SAMD5: variants seen among roughly 807,000 people sequenced by gnomAD.
SAMD5 encodes sterile alpha motif domain-containing protein 5.
Under a neutral mutation model 11.3 loss-of-function variants are expected in SAMD5, and 13 were observed. That is an observed-to-expected ratio of 1.15 (90% confidence interval 0.75 to 1.83). The LOEUF is 1.83. Ranked by LOEUF, SAMD5 falls within the 40% of genes most tolerant of loss-of-function variation. SAMD5 has a pLI of 0.00. For synonymous variants in SAMD5, 129 were observed against 111.3 expected, an observed-to-expected ratio of 1.16 and a Z score of -1.00; for missense variants, 255 against 239.1, an observed-to-expected ratio of 1.07 and a Z score of -0.44.
chr6:147,512,867 G>A (rs1450309961), intron 1 of SAMD5, among the ~76,000 whole-genome samples: 2 of 152,158 alleles, frequency 1.3e-5, no homozygotes, highest in South Asian at 2.1e-4. Context: ...AATGTGTGAC[G>A]ATTGATTTGA....
chr6:147,721,767 A>T (rs1791555370), intron 1 of SAMD5, among the ~76,000 whole-genome samples: 1 of 152,180 alleles, frequency 6.6e-6, no homozygotes, highest in Non-Finnish European at 1.5e-5. Context: ...TTCATAATGA[A>T]AATCAATTTA....
At chr6:147,538,893 A>C (rs1319256662) in intron 1 of SAMD5, among the ~76,000 whole-genome samples, 1 of 152,220 alleles carries the variant, frequency 6.6e-6, no homozygotes, top group African/African-American at 2.4e-5. Flanking sequence ...TATTTGACTT[A>C]AGTGCTTTTT....
intron 1 of SAMD5, among the ~76,000 whole-genome samples, chr6:147,599,128 G>A (rs919502878): frequency 6.6e-6 from 1 of 152,328 alleles, no homozygotes; most frequent in East Asian, 1.9e-4. Flanking sequence ...GGTTCCAAGT[G>A]TCCCTTTGAT....
chr6:147,829,842 G>T, the SAMD5 span, among the ~76,000 whole-genome samples: 1 of 152,132 alleles, frequency 6.6e-6, no homozygotes, highest in African/African-American at 2.4e-5. Context: ...CTGGAACTTT[G>T]GATGAAGATG....
chr6:147,854,073 T>C, the SAMD5 span, among the ~76,000 whole-genome samples: 102 of 152,308 alleles, frequency 6.7e-4, 1 homozygote, highest in African/African-American at 2.2e-3. Context: ...TTTTAATATG[T>C]AGCCTAAGTT....
chr6:147,801,682 ACCTGGACTTC>A, the SAMD5 span, among the ~76,000 whole-genome samples: 1 of 152,150 alleles, frequency 6.6e-6, no homozygotes, highest in Non-Finnish European at 1.5e-5. Flanking sequence ...TCTGGCTTCT[ACCTGGACTTC>A]CCAAACTACA....
At chr6:147,673,747 G>A (rs1014240183) in intron 1 of SAMD5, among the ~76,000 whole-genome samples, 1 of 151,976 alleles carries the variant, frequency 6.6e-6, no homozygotes, top group Admixed American at 6.6e-5. Flanking sequence ...TCAATTCTTC[G>A]GTGATGAGAC....
intron 1 of SAMD5, among the ~76,000 whole-genome samples, chr6:147,730,623 TTGA>T (rs1791700094): frequency 6.6e-6 from 1 of 152,144 alleles, no homozygotes; most frequent in Admixed American, 6.5e-5. Context: ...TGTGGGCATG[TTGA>T]TGATATTTAA....
At chr6:147,838,835 G>T in the SAMD5 span, among the ~76,000 whole-genome samples, 198 of 152,194 alleles carry the variant, frequency 1.3e-3, no homozygotes, top group Non-Finnish European at 2.5e-3. Context: ...ACATATCATC[G>T]GTAAGGGCCG....
At chr6:147,795,109 C>G in the SAMD5 span, among the ~76,000 whole-genome samples, 2 of 150,392 alleles carry the variant, frequency 1.3e-5, no homozygotes, top group African/African-American at 4.9e-5. Flanking sequence ...TACATGTGCA[C>G]ATTGTGCAGG....
At chr6:147,808,429 C>A in the SAMD5 span, among the ~76,000 whole-genome samples, 1 of 152,118 alleles carries the variant, frequency 6.6e-6, no homozygotes, top group Non-Finnish European at 1.5e-5. Flanking sequence ...TTCTAGAACT[C>A]CTGGCCACAA....
intron 1 of SAMD5, among the ~76,000 whole-genome samples, chr6:147,610,941 C>T (rs911474219): frequency 3.3e-5 from 5 of 150,682 alleles, no homozygotes; most frequent in South Asian, 2.1e-4. Context: ...GTGATCTCAG[C>T]TTACTGCAAC....
chr6:147,555,235 T>C (rs879796392), intron 1 of SAMD5, among the ~76,000 whole-genome samples: 1 of 152,238 alleles, frequency 6.6e-6, no homozygotes, highest in South Asian at 2.1e-4. Context: ...ATGTAAATCT[T>C]GTCTCCTTGC....
chr6:147,790,844 C>T, the SAMD5 span, among the ~76,000 whole-genome samples: 1 of 141,852 alleles, frequency 7.0e-6, no homozygotes, highest in Non-Finnish European at 1.5e-5. Flanking sequence ...TCTCCTCTCT[C>T]TCTGAAAGCT....
rs549560458 is a variant in SAMD5, at chr6:147,690,307, T to C, written c.163-47010T>C. On this transcript the variant is annotated intron_variant, in intron 1 of 1. Coordinates refer to the SAMD5 transcript ENST00000566741. ...CTTTAGCTATTTATTTAGCTACTTG[T>C]AGGCTAATGCTGACCTATGTCATAA... Among the ~76,000 whole-genome samples the C allele has an allele frequency of 1.1e-4, 17 of 152,340 alleles. No homozygotes were observed. The South Asian group carries it at 2.5e-3, about 22-fold the overall frequency.
At chr6:147,697,762 G>A (rs1262058593) in intron 1 of SAMD5, among the ~76,000 whole-genome samples, 1 of 152,270 alleles carries the variant, frequency 6.6e-6, no homozygotes, top group East Asian at 1.9e-4. Flanking sequence ...GTGGGGATAT[G>A]GTGAGTTTCA....
At chr6:147,736,931 A>G (rs1210714142) in intron 1 of SAMD5, among the ~76,000 whole-genome samples, 1 of 152,166 alleles carries the variant, frequency 6.6e-6, no homozygotes, top group Non-Finnish European at 1.5e-5. Context: ...CATATTAACT[A>G]CAGAATACAT....
At chr6:147,880,477 T>C in the SAMD5 span, among the ~76,000 whole-genome samples, 5 of 152,208 alleles carry the variant, frequency 3.3e-5, no homozygotes, top group African/African-American at 9.6e-5. Context: ...TCACACTCGA[T>C]TGGTAGAGAC....
rs528306482 is a variant in SAMD5, at chr6:147,602,700, C to T, written c.162+93313C>T. On this transcript the variant is annotated intron_variant, in intron 1 of 1. Coordinates refer to the SAMD5 transcript ENST00000566741. ...CGGAGGTTGTAGTGAGCCAAGATTG[C>T]ACCACTGCACTGTAGCCTGGGAGAC... 4.7e-4 allele frequency among the ~76,000 whole-genome samples: 72 copies of T among 152,226 alleles called. 1 individual carries two copies. The East Asian group carries it at 0.012, about 25-fold the overall frequency.
Sources: allele counts gnomAD v4.1 joint callset (sites outside exome capture counted in the v4.1 genomes callset), GRCh38; gene constraint gnomAD v4.1.1; transcripts MANE v1.5; gene names NCBI Gene and HGNC (gene_info 2026-07-23, HGNC 2026-07-21).